SCHIP1: variants seen among roughly 807,000 people sequenced by gnomAD.
SCHIP1 encodes schwannomin interacting protein 1, also known as schwannomin-interacting protein 1.
Under a neutral mutation model 29.7 loss-of-function variants are expected in SCHIP1, and 8 were observed. The observed-to-expected ratio is 0.27, with a 90% CI of 0.16 to 0.49. The LOEUF (loss-of-function observed/expected upper bound fraction) is 0.49. Ranked by LOEUF, SCHIP1 falls within the 20% of genes least tolerant of loss-of-function variation. SCHIP1 has a pLI of 0.99. For missense variants in SCHIP1, 193 were observed against 294.6 expected, an observed-to-expected ratio of 0.66 and a Z score of 2.52; for synonymous variants, 76 against 94.9, an observed-to-expected ratio of 0.80 and a Z score of 1.16.
chr3:159,819,852 A>G, the SCHIP1 span, among the ~76,000 whole-genome samples: 1 of 152,160 alleles, frequency 6.6e-6, no homozygotes. Flanking sequence ...GGGCCCTTCC[A>G]CAGATTCTTC....
chr3:159,502,696 A>G, the SCHIP1 span, among the ~76,000 whole-genome samples: 4 of 135,762 alleles, frequency 2.9e-5, no homozygotes, highest in Non-Finnish European at 6.2e-5. Context: ...TCCTGTGTCC[A>G]TGTGTTCTCA....
the SCHIP1 span, among the ~76,000 whole-genome samples, chr3:159,602,225 G>T: frequency 3.3e-5 from 5 of 152,148 alleles, no homozygotes; most frequent in Admixed American, 6.5e-5. Context: ...CTGGCCACTT[G>T]TTTCGTTCTC....
chr3:159,415,624 A>T, the SCHIP1 span, among the ~76,000 whole-genome samples: 7 of 152,262 alleles, frequency 4.6e-5, no homozygotes, highest in East Asian at 1.4e-3. Context: ...AAAAGACATG[A>T]TCTTGTTTTT....
At chr3:159,597,454 G>A in the SCHIP1 span, among the ~76,000 whole-genome samples, 1 of 151,980 alleles carries the variant, frequency 6.6e-6, no homozygotes, top group African/African-American at 2.4e-5. Context: ...CAGGCATCCT[G>A]TCCACTATCT....
chr3:159,844,610 C>T (rs1711545792), intron 1 of SCHIP1, among the ~76,000 whole-genome samples: 1 of 152,202 alleles, frequency 6.6e-6, no homozygotes, highest in South Asian at 2.1e-4. Context: ...AGCTTCAGGC[C>T]TGGCAGCCTT....
the SCHIP1 span, among the ~76,000 whole-genome samples, chr3:159,302,070 A>T: frequency 1.3e-5 from 2 of 152,244 alleles, no homozygotes; most frequent in Non-Finnish European, 2.9e-5. Context: ...CTATGGAAAG[A>T]AAAAGATCAC....
the SCHIP1 span, among the ~76,000 whole-genome samples, chr3:159,292,821 G>C: frequency 6.6e-6 from 1 of 152,070 alleles, no homozygotes; most frequent in South Asian, 2.1e-4. Context: ...AAGATTTCTG[G>C]ATATTGGCAT....
chr3:159,599,360 A>G, the SCHIP1 span, among the ~76,000 whole-genome samples: 3 of 152,234 alleles, frequency 2.0e-5, no homozygotes, highest in African/African-American at 7.2e-5. Flanking sequence ...CCCATCATTC[A>G]AGCAGTGTAC....
chr3:159,401,639 CTT>C, the SCHIP1 span, among the ~76,000 whole-genome samples: 1 of 152,232 alleles, frequency 6.6e-6, no homozygotes, highest in African/African-American at 2.4e-5. Context: ...GACTCATACA[CTT>C]TTCATTGCCC....
chr3:159,824,960 T>C, the SCHIP1 span, among the ~76,000 whole-genome samples: 1 of 152,346 alleles, frequency 6.6e-6, no homozygotes, highest in East Asian at 1.9e-4. Flanking sequence ...TTTAAAAGTA[T>C]GTCTTTCAAA....
the SCHIP1 span, among the ~76,000 whole-genome samples, chr3:159,722,820 G>A: frequency 6.6e-6 from 1 of 152,190 alleles, no homozygotes; most frequent in African/African-American, 2.4e-5. Context: ...TATCAGAACA[G>A]ATTTGAACCC....
the SCHIP1 span, among the ~76,000 whole-genome samples, chr3:159,423,943 C>A: frequency 6.6e-6 from 1 of 152,010 alleles, no homozygotes; most frequent in African/African-American, 2.4e-5. Flanking sequence ...GATACCCAGG[C>A]AAACAGGGTC....
chr3:159,589,291 T>C, the SCHIP1 span, among the ~76,000 whole-genome samples: 66 of 152,324 alleles, frequency 4.3e-4, no homozygotes, highest in South Asian at 0.014. Flanking sequence ...AGAACGCTTG[T>C]GATTTTTGCA....
chr3:159,500,517 T>C, the SCHIP1 span, among the ~76,000 whole-genome samples: 2 of 151,882 alleles, frequency 1.3e-5, no homozygotes. Flanking sequence ...ATCGAGACCA[T>C]CCTGGCCAAC....
the SCHIP1 span, among the ~76,000 whole-genome samples, chr3:159,774,442 A>G: frequency 6.6e-6 from 1 of 152,216 alleles, no homozygotes; most frequent in East Asian, 1.9e-4. Flanking sequence ...TATGTCAAGC[A>G]TGTTCTCCAC....
the SCHIP1 span, among the ~76,000 whole-genome samples, chr3:159,388,631 A>T: frequency 1.3e-5 from 2 of 152,142 alleles, no homozygotes; most frequent in Non-Finnish European, 2.9e-5. Flanking sequence ...AAAAAGAGGA[A>T]CATTGAGGGA....
chr3:159,470,563 T>G, the SCHIP1 span, among the ~76,000 whole-genome samples: 1 of 152,080 alleles, frequency 6.6e-6, no homozygotes, highest in Non-Finnish European at 1.5e-5. Context: ...TGAAGAAAAC[T>G]GTACAGGCAC....
intron 2 of SCHIP1, among the ~76,000 whole-genome samples, chr3:159,869,607 A>G (rs1008089391): frequency 3.9e-5 from 6 of 151,996 alleles, no homozygotes; most frequent in African/African-American, 9.7e-5. Flanking sequence ...TAATTACAAT[A>G]GCTTCAAAAT....
upstream of SCHIP1, among the ~76,000 whole-genome samples, chr3:159,839,497 T>G (rs773993328): frequency 6.6e-6 from 1 of 152,000 alleles, no homozygotes; most frequent in Non-Finnish European, 1.5e-5. Context: ...AGTAAAGACC[T>G]TTTAGTTATA....
Sources: allele counts gnomAD v4.1 joint callset (sites outside exome capture counted in the v4.1 genomes callset), GRCh38; gene constraint gnomAD v4.1.1; transcripts MANE v1.5; gene names NCBI Gene and HGNC (gene_info 2026-07-23, HGNC 2026-07-21).